The following TEP1 variants were observed in gnomAD, a reference collection of about 807,000 sequenced individuals.
TEP1 encodes telomerase associated protein 1, also known as telomerase protein component 1.
A neutral mutation model predicts 306.3 loss-of-function variants in TEP1; 241 were observed. The observed-to-expected ratio is 0.79, with a 90% CI of 0.71 to 0.88. The LOEUF (loss-of-function observed/expected upper bound fraction) is 0.88. Among genes scored for constraint, TEP1 ranks in the 40% least tolerant of loss-of-function variants. TEP1 has a pLI of 0.00. For synonymous variants in TEP1, 1,289 were observed against 1,305.5 expected (o/e 0.99, Z 0.27); for missense variants, 3,051 against 3,276.1 (o/e 0.93, Z 1.68).
At chr14:20,386,000 A>T in intron 20 of TEP1, 75 bp downstream of exon 20, 1 of 1,507,238 alleles carries the variant, frequency 6.6e-7, no homozygotes, top group Non-Finnish European at 8.8e-7. Context: ...GGTTTCTGAC[A>T]GAGTGTGGCT....
intron 20 of TEP1, 116 bp downstream of exon 20, chr14:20,385,958 AG>A: frequency 7.1e-7 from 1 of 1,405,408 alleles, no homozygotes; most frequent in Non-Finnish European, 9.5e-7. Context: ...TTTCACTTCA[AG>A]TCTCAAGGAC....
rs2139060744 is a variant in TEP1 at position 20,382,612 on chromosome 14, T to C, written c.4140+11A>G. On this transcript the variant is annotated intron_variant, in intron 28 of 54. Coordinates refer to ENST00000262715, the MANE Select transcript of TEP1 (RefSeq NM_007110.5). ...GTAGTGATTAGGACTTGGAAGGTGATGAGAACTGACCTGCTCATACAGCGT... is the reference window on the plus strand; with the variant it reads ...GTAGTGATTAGGACTTGGAAGGTGACGAGAACTGACCTGCTCATACAGCGT... The C allele has an allele frequency of 1.2e-6, 2 of 1,613,978 alleles. No homozygotes were observed. Among genetic ancestry groups the C allele is most frequent in the South Asian group, 2.2e-5 (2 of 91,082 alleles).
In TEP1 at chr14:20,380,929, A is replaced by C; in HGVS notation, c.4762+2T>G. 6.2e-7 allele frequency: 1 copy of C among 1,612,414 alleles called. No homozygotes were observed. The highest frequency in any genetic ancestry group is 8.5e-7 in the Non-Finnish European group (1 of 1,178,720). On this transcript the variant is annotated splice_donor_variant, in intron 33 of 54. Coordinates refer to ENST00000262715, the MANE Select transcript of TEP1 (RefSeq NM_007110.5). LOFTEE classifies it high-confidence loss of function. ...AAGAACCCAGCCAGTGACTCATCTC[A>C]CCATAGAGGGCATGGGCCTCCAAGA...
chr14:20,395,742 C>T, intron 11 of TEP1, 115 bp from the exon 12 acceptor site: 1 of 1,495,506 alleles, frequency 6.7e-7, no homozygotes, highest in East Asian at 2.3e-5. Context: ...TGACCTCTGC[C>T]CCCCACCCCG....
At chr14:20,391,450 C>T (rs1877712644) in intron 13 of TEP1, 149 bp downstream of exon 13, 1 of 934,850 alleles carries the variant, frequency 1.1e-6, no homozygotes, top group Non-Finnish European at 1.6e-6. Context: ...CCCCTAGGAA[C>T]CAAGGACTGA....
chr14:20,395,558 C>G lies in TEP1; in HGVS notation c.1820G>C (p.Arg607Thr). Residue 607 changes from arginine to threonine, a missense_variant, in exon 12 of 55, where the codon AGG (arginine) becomes ACG (threonine). Around this residue, in one of 3 missense-constraint regions of TEP1, gnomAD observed 1,507 missense variants for 1,550.5 expected, o/e 0.97. Coordinates refer to ENST00000262715, the MANE Select transcript of TEP1 (RefSeq NM_007110.5). ...ILTRNEKNRP[R>T]RRFLCHLSRQ... ...GCTTAGGTGGCAAAGAAACCTCCGC[C>G]TGGGACGGTTCTTTTCATTTCTAGT... 1.2e-6 allele frequency: 2 copies of G among 1,613,854 alleles called. No homozygotes were observed. Among genetic ancestry groups the G allele is most frequent in the South Asian group, 2.2e-5 (2 of 91,078 alleles).
chr14:20,380,969 C>CCCAATT lies in TEP1; in HGVS notation c.4718_4723dup (p.Glu1573_Leu1574dup). 6.2e-7 allele frequency: 1 copy of CCCAATT among 1,614,188 alleles called. No homozygotes were observed. The highest frequency in any genetic ancestry group is 8.5e-7 in the Non-Finnish European group (1 of 1,180,044). ...GGCCTCCAAGAGCCGAGAGACCAGA[C>CCCAATT]CCAATTCCAAGTGTGCAGCCACCAC... On this transcript the variant is annotated inframe_insertion, in exon 33 of 55. Coordinates refer to ENST00000262715, the MANE Select transcript of TEP1 (RefSeq NM_007110.5).
At position 20,381,951 on chromosome 14, in the gene TEP1, G is replaced by A. The variant is rs748652594; in HGVS notation, c.4386C>T (p.Pro1462=). 2 of 1,614,124 alleles carry A rather than the reference G, an allele frequency of 1.2e-6. No individual in the cohort carries two copies. The highest frequency in any genetic ancestry group is 1.1e-5 in the South Asian group (1 of 91,088). ...VAAGNSGDPY[P]MGPFACLVQS... is the part of the protein sequence containing the mutation. ...GGACGAGGCAGGCAAACGGGCCCAT[G>A]GGGTAGGGGTCTCCACTGTTACCAG... The change falls in exon 30 of 55, where the codon CCC becomes CCT. Residue 1462 remains proline, a synonymous_variant. Transcript: ENST00000262715. This position sits in a 1 kb window ranked among gnomAD's most constrained non-coding sequence, Gnocchi z 4.0.
At chr14:20,389,774 G>A in intron 15 of TEP1, 34 bp from the exon 16 acceptor site, 1 of 1,612,690 alleles carries the variant, frequency 6.2e-7, no homozygotes, top group Non-Finnish European at 8.5e-7. Flanking sequence ...TGCTAGAGAA[G>A]GGATGCTAGA....
intron 15 of TEP1, 27 bp downstream of exon 15, chr14:20,390,654 G>T (rs1877625233): frequency 6.2e-7 from 1 of 1,606,052 alleles, no homozygotes; most frequent in East Asian, 2.2e-5. Context: ...GGGGGAGGGA[G>T]AGGGTTTCTC....
At chr14:20,405,886 C>T (rs1429348763) in intron 3 of TEP1, among the ~76,000 whole-genome samples, 6 of 151,878 alleles carry the variant, frequency 4.0e-5, no homozygotes, top group East Asian at 1.9e-4. Flanking sequence ...TGGCAGTGCA[C>T]GCCTGTAATT....
rs1259556489 is a variant in TEP1 at position 20,366,319 on chromosome 14, A to G, written c.*2118T>C. ...GAGACAAATAGAGCTTCCTCCTGCAATTGGCCCAAGATTTTAGGGGAGCAA... is the reference window on the plus strand; with the variant it reads ...GAGACAAATAGAGCTTCCTCCTGCAGTTGGCCCAAGATTTTAGGGGAGCAA... On this transcript the variant is annotated 3_prime_UTR_variant, in exon 55 of 55. Transcript: ENST00000262715. 1 of 152,234 alleles carries G rather than the reference A, an allele frequency of 6.6e-6. No homozygotes were observed. Among genetic ancestry groups the G allele is most frequent in the Non-Finnish European group, 1.5e-5 (1 of 68,036 alleles). 9.4% of individuals were successfully genotyped at this position (152,234 alleles called of 1,614,324 possible).
chr14:20,391,536 C>T, intron 13 of TEP1, 63 bp downstream of exon 13: 1 of 1,542,296 alleles, frequency 6.5e-7, no homozygotes, highest in South Asian at 1.2e-5. Flanking sequence ...GAACAGGATA[C>T]TGCTCAGGAT....
rs922145997 is a variant in TEP1 at position 20,367,268 on chromosome 14, C to G, written c.*1169G>C. 1.7e-4 allele frequency: 25 copies of G among 149,882 alleles called. No homozygotes were observed. The highest frequency in any genetic ancestry group is 1.0e-4 in the Non-Finnish European group (7 of 67,904). 9.3% of individuals were successfully genotyped at this position (149,882 alleles called of 1,614,324 possible). A position where few individuals can be genotyped will look rare whatever the true frequency, so the allele number is the denominator to read the frequency against. ...ATCCCAGCTACTCGGGAGGCTAAGG[C>G]AGGAGAATCGCTTGAACCCAGGAAG... is the stretch of plus-strand genomic sequence containing the variant. On this transcript the variant is annotated 3_prime_UTR_variant, in exon 55 of 55. Transcript: ENST00000262715.
At position 20,383,311 on chromosome 14, in the gene TEP1, C is replaced by G. The variant is rs142333924; in HGVS notation, c.3910G>C (p.Gly1304Arg). The G allele has an allele frequency of 1.7e-4, 268 of 1,611,026 alleles. No individual in the cohort carries two copies. The African/African-American group carries it at 3.2e-3, about 19-fold the overall frequency. The change falls in exon 27 of 55, where the codon GGG becomes CGG. Residue 1304 changes from glycine to arginine, a missense_variant. Gly to Arg is a moderately radical substitution (Grantham distance 125, BLOSUM62 -2). This residue lies in a region of TEP1 where 1,540 missense variants were observed against 1,705.9 expected (regional missense o/e 0.90). Transcript: ENST00000262715. ...VLSVSSDAGL[G>R]ETLEQSQGAH... is the part of the protein sequence containing the mutation. ...CCCTGGCTCTGCTCAAGGGTCTCCC[C>G]TAGGCCTGCATCACTAGACACACTC...
intron 7 of TEP1, among the ~76,000 whole-genome samples, chr14:20,402,448 C>T (rs1402705006): frequency 6.6e-6 from 1 of 152,070 alleles, no homozygotes; most frequent in Non-Finnish European, 1.5e-5. Context: ...TCTTATAACG[C>T]TAATATATAT....
At chr14:20,412,880 A>G (rs898074178) in intron 1 of TEP1, among the ~76,000 whole-genome samples, 3 of 151,736 alleles carry the variant, frequency 2.0e-5, no homozygotes, top group African/African-American at 7.3e-5. Flanking sequence ...GGCTGGTCTC[A>G]AACTCCTGAC....
intron 7 of TEP1, among the ~76,000 whole-genome samples, chr14:20,402,222 T>C (rs1163208261): frequency 6.6e-6 from 1 of 152,078 alleles, no homozygotes; most frequent in Non-Finnish European, 1.5e-5. Context: ...GCAGGAGAAT[T>C]GCTTGAACCC....
chr14:20,368,840 C>G lies in TEP1; in HGVS notation c.7719G>C (p.Lys2573Asn). Residue 2573 changes from lysine (K) to asparagine (N), a missense_variant, in exon 54 of 55, where the codon AAG becomes AAC. Around this residue, in one of 3 missense-constraint regions of TEP1, gnomAD observed 1,540 missense variants for 1,705.9 expected, o/e 0.90. Coordinates refer to ENST00000262715, the MANE Select transcript of TEP1 (RefSeq NM_007110.5). ...TCTCCCATAGCTTAACATCTCTGTC[C>G]TTCGAAGCTGTCACCAGCAACTCAG... ...VLPELLVTAS[K>N]DRDVKLWERP... The G allele has an allele frequency of 6.2e-7, 1 of 1,613,766 alleles. No homozygotes were observed. The highest frequency in any genetic ancestry group is 1.1e-5 in the South Asian group (1 of 91,052).
Sources: gnomAD v4.1 joint callset for allele counts (sites outside exome capture counted in the v4.1 genomes callset) on GRCh38, gnomAD v4.1.1 for gene constraint, gnomAD v4.1.1 regional missense constraint, Gnocchi (gnomAD v3.1) non-coding constraint, MANE v1.5 for transcripts, NCBI Gene and HGNC (gene_info 2026-07-23, HGNC 2026-07-21) for gene names.